The following CCDC68 variants were observed in gnomAD, a reference collection of about 807,000 sequenced individuals.
CCDC68 encodes coiled-coil domain-containing protein 68.
CCDC68 carries 45 observed loss-of-function variants against 47.1 expected under a neutral mutation model. The ratio of observed to expected loss-of-function variants is 0.96; its 90% CI spans 0.75 to 1.23. CCDC68 has a LOEUF of 1.23. CCDC68 is among the 50% of genes most tolerant of loss of function. CCDC68 has a pLI of 0.00. For missense variants in CCDC68, 353 were observed against 373.6 expected (o/e 0.94, Z 0.45); for synonymous variants, 131 against 129.5 (o/e 1.01, Z -0.08).
chr18:54,941,822 G>A (rs1247386909), intron 3 of CCDC68, among the ~76,000 whole-genome samples: 1 of 152,076 alleles, frequency 6.6e-6, no homozygotes, highest in East Asian at 1.9e-4. Flanking sequence ...TTGAGATGGA[G>A]TCTTGCTCTG....
intron 6 of CCDC68, among the ~76,000 whole-genome samples, chr18:54,935,317 G>GT (rs2044326032): frequency 6.6e-6 from 1 of 152,150 alleles, no homozygotes; most frequent in Non-Finnish European, 1.5e-5. Flanking sequence ...CACGTTTTAT[G>GT]TTTAATTAGA....
chr18:54,907,538 A>C (rs553100178), intron 11 of CCDC68, among the ~76,000 whole-genome samples: 6 of 152,122 alleles, frequency 3.9e-5, no homozygotes, highest in African/African-American at 1.5e-4. Flanking sequence ...TGGGCTTGTT[A>C]ATTAGGGCAA....
chr18:54,904,411 A>G lies in CCDC68; in HGVS notation c.955T>C (p.Leu319=). 6.2e-7 allele frequency: 1 copy of G among 1,612,894 alleles called. No homozygotes were observed. Among genetic ancestry groups the G allele is most frequent in the Non-Finnish European group, 8.5e-7 (1 of 1,178,942 alleles). ...TAAGGGGAAACACCTTCGGTCTTCA[A>G]TTCACTGTAGAAAAGACAACACGAT... ...KVSKAVSTSE[L]KTEGVSPYLM... is the part of the protein sequence containing the mutation. The change falls in exon 12 of 12, where the codon TTG becomes CTG. Residue 319 remains leucine (L), a synonymous_variant. Coordinates refer to ENST00000591504, the MANE Select transcript of CCDC68 (RefSeq NM_025214.3).
intron 11 of CCDC68, among the ~76,000 whole-genome samples, chr18:54,905,017 T>C (rs1444845216): frequency 3.3e-5 from 5 of 152,044 alleles, no homozygotes; most frequent in Non-Finnish European, 5.9e-5. Flanking sequence ...CCCAACACTT[T>C]GGGAGGCTGA....
intron 1 of CCDC68, among the ~76,000 whole-genome samples, chr18:54,950,506 C>G (rs1304964659): frequency 6.6e-6 from 1 of 152,076 alleles, no homozygotes; most frequent in Non-Finnish European, 1.5e-5. Context: ...TTACGCTGTA[C>G]CCAAGTTCTG....
intron 7 of CCDC68, 41 bp from the exon 8 acceptor site, chr18:54,928,923 G>A (rs371564357): frequency 3.1e-5 from 35 of 1,123,140 alleles, no homozygotes; most frequent in Non-Finnish European, 4.3e-5. Context: ...AACTGCATGT[G>A]TATGTTTGGT....
At chr18:54,916,215 G>A (rs1043340810) in intron 10 of CCDC68, among the ~76,000 whole-genome samples, 20 of 152,126 alleles carry the variant, frequency 1.3e-4, no homozygotes, top group African/African-American at 4.1e-4. Context: ...TGAGAGCAGT[G>A]TGTTAATCAG....
At chr18:54,928,983 A>G in intron 7 of CCDC68, 101 bp from the exon 8 acceptor site, 1 of 685,140 alleles carries the variant, frequency 1.5e-6, no homozygotes, top group Non-Finnish European at 2.6e-6. Flanking sequence ...TAAAGAGTTA[A>G]TTTCACATGT....
At chr18:54,917,509 A>G (rs2043974881) in intron 10 of CCDC68, among the ~76,000 whole-genome samples, 2 of 152,222 alleles carry the variant, frequency 1.3e-5, no homozygotes. Flanking sequence ...ATTTAATAAT[A>G]TTTATTTAAT....
chr18:54,947,369 T>C (rs1348451719), intron 1 of CCDC68, among the ~76,000 whole-genome samples: 13 of 152,164 alleles, frequency 8.5e-5, no homozygotes, highest in Admixed American at 4.6e-4. Context: ...CACCTCAACT[T>C]CAACCACCCC....
chr18:54,938,033 A>G lies in CCDC68; in HGVS notation c.269T>C (p.Leu90Ser), dbSNP rs1177212794. The G allele has an allele frequency of 6.2e-7, 1 of 1,613,856 alleles. No individual in the cohort carries two copies. The highest frequency in any genetic ancestry group is 1.3e-5 in the African/African-American group (1 of 74,922). The change falls in exon 5 of 12, where the codon TTG (leucine) becomes TCG (serine). Residue 90 changes from leucine (L) to serine (S), a missense_variant. Physicochemically the swap from Leu to Ser is moderately radical, Grantham distance 145. Transcript: ENST00000591504. The stretch of plus-strand genomic sequence containing the variant: ...TTTTCCTTTTATCTTTTTCATAAGC[A>G]AATCCAAACTGCAACAAGAAGGATC... ...EMDPSCCSLD[L>S]LMKKIKGKDL...
rs1399183414 is a variant in CCDC68 at position 54,941,101 on chromosome 18, A to C, written c.118-18T>G. ...GTTCGAATCTAGAGAAGGAAAACAA[A>C]ACCATTTGTTTCAAAGGCATTTAAT... is the stretch of plus-strand genomic sequence containing the variant. On this transcript the variant is annotated intron_variant, in intron 3 of 11. Coordinates refer to ENST00000591504, the MANE Select transcript of CCDC68 (RefSeq NM_025214.3). 3 of 1,580,946 alleles carry C rather than the reference A, an allele frequency of 1.9e-6. No individual in the cohort carries two copies. In the Admixed American group the frequency reaches 5.1e-5, roughly 27 times the overall value.
intron 6 of CCDC68, 131 bp downstream of exon 6, chr18:54,936,702 G>T (rs1320161696): frequency 9.0e-7 from 1 of 1,112,256 alleles, no homozygotes; most frequent in Non-Finnish European, 1.3e-6. Context: ...CAAGCACACC[G>T]CTTCTTTCCC....
In CCDC68 at chr18:54,936,830, T is replaced by C; in HGVS notation, c.471+3A>G. On this transcript the variant is annotated splice_donor_region_variant and intron_variant, in intron 6 of 11. Coordinates refer to ENST00000591504, the MANE Select transcript of CCDC68 (RefSeq NM_025214.3). ...TCCAATAGACAAGCTGCATGTTTGG[T>C]ACCTGGAGTAATTGTTTACTGTCCT... 1.2e-6 allele frequency: 2 copies of C among 1,614,076 alleles called. No individual in the cohort carries two copies. Among genetic ancestry groups the C allele is most frequent in the Middle Eastern group, 1.6e-4 (1 of 6,062 alleles).
intron 2 of CCDC68, among the ~76,000 whole-genome samples, chr18:54,944,340 G>A (rs1037536507): frequency 6.6e-6 from 1 of 151,914 alleles, no homozygotes; most frequent in African/African-American, 2.4e-5. Flanking sequence ...AAAGCCCTGT[G>A]GAGTAGGATT....
At chr18:54,910,243 G>A (rs1469059251) in intron 10 of CCDC68, among the ~76,000 whole-genome samples, 1 of 152,122 alleles carries the variant, frequency 6.6e-6, no homozygotes, top group Non-Finnish European at 1.5e-5. Flanking sequence ...CTCTACAGCT[G>A]GCTGCCCCAT....
chr18:54,912,799 A>G (rs936315994), intron 10 of CCDC68, among the ~76,000 whole-genome samples: 3 of 152,190 alleles, frequency 2.0e-5, no homozygotes, highest in African/African-American at 7.2e-5. Flanking sequence ...AAGGGAAAGG[A>G]GACGCAAAGA....
intron 8 of CCDC68, 146 bp from the exon 9 acceptor site, chr18:54,919,522 A>G: frequency 3.1e-6 from 2 of 635,618 alleles, no homozygotes; most frequent in Non-Finnish European, 5.7e-6. Context: ...GCCACATAGG[A>G]CACACTGAAG....
intron 4 of CCDC68, among the ~76,000 whole-genome samples, chr18:54,938,365 G>C (rs925469148): frequency 6.6e-6 from 1 of 152,140 alleles, no homozygotes; most frequent in East Asian, 1.9e-4. Flanking sequence ...ACTGATAAGG[G>C]CTTTTTAGGA....
Sources: gnomAD v4.1 joint callset for allele counts (sites outside exome capture counted in the v4.1 genomes callset) on GRCh38, gnomAD v4.1.1 for gene constraint, MANE v1.5 for transcripts, NCBI Gene and HGNC (gene_info 2026-07-23, HGNC 2026-07-21) for gene names.